Variants in ZNF426 observed in about 807,000 individuals in gnomAD.
ZNF426 encodes the protein CTC-543D15.7.
A neutral mutation model predicts 24.0 loss-of-function variants in ZNF426; 23 were observed. The observed-to-expected ratio is 0.96, with a 90% CI of 0.69 to 1.36. The LOEUF is 1.36. ZNF426 is among the 40% of genes most tolerant of loss of function. The pLI, the probability that ZNF426 is intolerant of heterozygous loss-of-function variation, is 0.00. For synonymous variants in ZNF426, 272 were observed against 224.6 expected (o/e 1.21, Z -1.89); for missense variants, 646 against 658.4 (o/e 0.98, Z 0.21).
chr19:9,537,374 G>A (rs1421012463), intron 2 of ZNF426, among the ~76,000 whole-genome samples: 1 of 151,766 alleles, frequency 6.6e-6, no homozygotes, highest in Admixed American at 6.6e-5. Flanking sequence ...ACTCCCAGGG[G>A]TCTCAAACTA....
chr19:9,529,093 T>G lies in ZNF426; in HGVS notation c.952A>C (p.Asn318His). The G allele has an allele frequency of 6.2e-7, 1 of 1,613,840 alleles. No individual in the cohort carries two copies. Among genetic ancestry groups the G allele is most frequent in the South Asian group, 1.1e-5 (1 of 91,008 alleles). The part of the protein sequence containing the change: ...YECKECGKAF[N>H]YSNSFQIHGR... Reference sequence around the variant, plus strand: ...TGTATCTGAAATGAGTTGGAATAATTGAAGGCTTTCCCACATTCCTTACAT... The same window carrying G: ...TGTATCTGAAATGAGTTGGAATAATGGAAGGCTTTCCCACATTCCTTACAT... The change falls in exon 8 of 8, where the codon AAT becomes CAT. Residue 318 changes from asparagine (N) to histidine (H), a missense_variant. Asn to His is a moderately conservative substitution (Grantham distance 68, BLOSUM62 1). Coordinates refer to ENST00000253115, the MANE Select transcript of ZNF426 (RefSeq NM_024106.3).
chr19:9,537,073 G>A (rs2073977390), intron 2 of ZNF426, among the ~76,000 whole-genome samples: 1 of 151,796 alleles, frequency 6.6e-6, no homozygotes, highest in African/African-American at 2.4e-5. Flanking sequence ...GAAGTTGCAG[G>A]GAGCTGAGAT....
rs771114628 is a variant in ZNF426 at position 9,535,194 on chromosome 19, A to T, written c.111T>A (p.Cys37Ter). 1 of 1,612,142 alleles carries T rather than the reference A, an allele frequency of 6.2e-7. No homozygotes were observed. Among genetic ancestry groups the T allele is most frequent in the South Asian group, 1.1e-5 (1 of 90,938 alleles). ...GRIVADCLTD[C>*]YQDSVTFDDV... is the part of the protein sequence containing the mutation. ...GAATACAGCTGCTTTTTACCTGATA[A>T]CAATCTGTTAGGCAGTCAGCCACTA... is the stretch of plus-strand genomic sequence containing the variant. Residue 37 changes from cysteine to a stop codon, truncating the protein, a stop_gained, in exon 4 of 8, where the codon TGT (cysteine) becomes TGA (stop). Transcript: ENST00000253115. LOFTEE classifies it high-confidence loss of function.
chr19:9,536,079 G>T, intron 3 of ZNF426, 129 bp downstream of exon 3: 1 of 1,140,368 alleles, frequency 8.8e-7, no homozygotes, highest in Non-Finnish European at 1.3e-6. Flanking sequence ...TCACAAGACA[G>T]CACGTTCTGG....
chr19:9,529,410 A>G lies in ZNF426; in HGVS notation c.635T>C (p.Ile212Thr). 1 of 1,613,826 alleles carries G rather than the reference A, an allele frequency of 6.2e-7. No homozygotes were observed. The highest frequency in any genetic ancestry group is 8.5e-7 in the Non-Finnish European group (1 of 1,179,934). The change falls in exon 8 of 8, where the codon ATT (isoleucine) becomes ACT (threonine). Residue 212 changes from isoleucine to threonine, a missense_variant. By Grantham distance (89) the Ile-to-Thr change is moderately conservative. Transcript: ENST00000253115. ...SEKIFSLTPN[I>T]VYQRTSTQEK... is the part of the protein sequence containing the mutation. The stretch of plus-strand genomic sequence containing the variant: ...TTGTGTGCTAGTTCTCTGGTATACA[A>G]TATTTGGTGTCAGGCTGAAGATTTT...
At chr19:9,536,687 TTGGAA>T in intron 2 of ZNF426, 3 of 214,328 alleles carry the variant, frequency 1.4e-5, no homozygotes, top group Admixed American at 1.1e-4. Context: ...TGGGCCTTGA[TTGGAA>T]ACACTCAAAT....
Position 9,528,622 on chromosome 19 carries a change from G to A in ZNF426, c.1423C>T (p.Pro475Ser). ...TTTCCACATTGTTTACACTCATAGG[G>A]TTTTTCTCCAGTGTGGATTCGCATG... The part of the protein sequence containing the change: ...IHMRIHTGEK[P>S]YECKQCGKAF... Residue 475 changes from proline to serine, a missense_variant, in exon 8 of 8, where the codon CCC becomes TCC. Transcript: ENST00000253115. The A allele has an allele frequency of 2.5e-6, 4 of 1,614,042 alleles. No individual in the cohort carries two copies. Among genetic ancestry groups the A allele is most frequent in the Non-Finnish European group, 3.4e-6 (4 of 1,180,018 alleles).
rs2073781166 is a variant in ZNF426, at chr19:9,525,292, AGG to A, written c.*3086_*3087del. ...AATAAAAATAAAAATAAAAATAAAA[AGG>A]AAGGATTATATAAATCCTTTTCAAC... On this transcript the variant is annotated 3_prime_UTR_variant, in exon 8 of 8. Transcript: ENST00000253115. The A allele has an allele frequency of 1.3e-5, 2 of 152,116 alleles. No individual in the cohort carries two copies. Among genetic ancestry groups the A allele is most frequent in the Non-Finnish European group, 2.9e-5 (2 of 68,046 alleles). 9.4% of individuals were successfully genotyped at this position (152,116 alleles called of 1,614,324 possible).
Position 9,532,909 on chromosome 19 carries a change from T to C in ZNF426, c.261A>G (p.Lys87=). The C allele has an allele frequency of 4.3e-6, 7 of 1,613,926 alleles. No individual in the cohort carries two copies. Among genetic ancestry groups the C allele is most frequent in the Non-Finnish European group, 5.9e-6 (7 of 1,179,858 alleles). Residue 87 remains lysine (K), a synonymous_variant, in exon 6 of 8, where the codon AAA becomes AAG. Coordinates refer to ENST00000253115, the MANE Select transcript of ZNF426 (RefSeq NM_024106.3). ...NLATVGGQII[K]PSLISWLEQE... is the part of the protein sequence containing the mutation. ...GTTCCAACCAAGAGATTAGACTGGG[T>C]TTGATGATCTGACCTCCTGAGCACA...
intron 5 of ZNF426, among the ~76,000 whole-genome samples, chr19:9,533,518 A>G (rs1022987763): frequency 2.6e-5 from 4 of 152,204 alleles, no homozygotes; most frequent in African/African-American, 9.6e-5. Context: ...CTTCTGGGGA[A>G]ACAACTACCC....
At position 9,524,906 on chromosome 19, in the gene ZNF426, G is replaced by C. The variant is rs1369799929; in HGVS notation, c.*3474C>G. ...TTAAATAACTAGGTTTTTCAACATTGCTTTACATTTTCAGGGTTTTTCTTC... is the reference window on the plus strand; with the variant it reads ...TTAAATAACTAGGTTTTTCAACATTCCTTTACATTTTCAGGGTTTTTCTTC... On this transcript the variant is annotated 3_prime_UTR_variant, in exon 8 of 8. Transcript: ENST00000253115. 4 of 150,924 alleles carry C rather than the reference G, an allele frequency of 2.7e-5. No homozygotes were observed. Among genetic ancestry groups the C allele is most frequent in the African/African-American group, 9.7e-5 (4 of 41,088 alleles). 9.3% of individuals were successfully genotyped at this position (150,924 alleles called of 1,614,324 possible).
At chr19:9,536,452 G>T in intron 2 of ZNF426, 96 bp from the exon 3 acceptor site, 1 of 1,274,884 alleles carries the variant, frequency 7.8e-7, no homozygotes. Context: ...TGTAATCCCA[G>T]CATTTTGGGA....
intron 3 of ZNF426, among the ~76,000 whole-genome samples, chr19:9,535,676 T>G (rs1015860862): frequency 3.8e-5 from 4 of 106,480 alleles, no homozygotes; most frequent in African/African-American, 2.5e-4. Context: ...TACAAAAAAA[T>G]TTTTTTAATC....
intron 2 of ZNF426, among the ~76,000 whole-genome samples, chr19:9,537,571 T>G (rs1233185185): frequency 1.3e-5 from 2 of 151,316 alleles, no homozygotes; most frequent in South Asian, 2.1e-4. Context: ...ATCACAGGTG[T>G]GAGCCACTGT....
chr19:9,533,044 T>G, intron 5 of ZNF426, 119 bp from the exon 6 acceptor site: 1 of 823,874 alleles, frequency 1.2e-6, no homozygotes, highest in South Asian at 1.6e-5. Flanking sequence ...GGGCGAAAAA[T>G]GCAAATAACA....
chr19:9,536,558 G>C, intron 2 of ZNF426: 3 of 326,608 alleles, frequency 9.2e-6, no homozygotes, highest in Admixed American at 4.6e-5. Flanking sequence ...ATAAAAATAA[G>C]TAAACAAACA....
Position 9,536,361 on chromosome 19 carries a change from T to C in ZNF426, c.-124-5A>G. ...TAAACAGGGTTATTGGGATTCCTGT[T>C]GGTATTAATCAATAATCAACAAGCA... On this transcript the variant is annotated splice_polypyrimidine_tract_variant and splice_region_variant and intron_variant, in intron 2 of 7. Transcript: ENST00000253115. 1 of 1,585,022 alleles carries C rather than the reference T, an allele frequency of 6.3e-7. No individual in the cohort carries two copies. The highest frequency in any genetic ancestry group is 8.6e-7 in the Non-Finnish European group (1 of 1,165,128).
intron 5 of ZNF426, among the ~76,000 whole-genome samples, 191 bp from the exon 6 acceptor site, chr19:9,533,116 T>C (rs898030796): frequency 1.3e-5 from 2 of 152,220 alleles, no homozygotes; most frequent in African/African-American, 2.4e-5. Context: ...TTCAGGCTTA[T>C]GTACACATTT....
intron 7 of ZNF426, among the ~76,000 whole-genome samples, chr19:9,530,299 C>A (rs767508744): frequency 6.6e-6 from 1 of 150,762 alleles, no homozygotes; most frequent in Non-Finnish European, 1.5e-5. Flanking sequence ...TAAAAAATAT[C>A]AAAAAATTAG....
Sources: allele counts gnomAD v4.1 joint callset (sites outside exome capture counted in the v4.1 genomes callset), GRCh38; gene constraint gnomAD v4.1.1; transcripts MANE v1.5; gene names NCBI Gene and HGNC (gene_info 2026-07-23, HGNC 2026-07-21).